Variants in BDH1 observed in about 807,000 individuals in gnomAD.
BDH1 encodes the protein D-beta-hydroxybutyrate dehydrogenase, mitochondrial.
A neutral mutation model predicts 33.1 loss-of-function variants in BDH1; 30 were observed. The ratio of observed to expected loss-of-function variants is 0.91; its 90% CI spans 0.68 to 1.23. The LOEUF is 1.23. BDH1 is among the 50% of genes most tolerant of loss of function. The pLI, the probability that BDH1 is intolerant of heterozygous loss-of-function variation, is 0.00. For synonymous variants in BDH1, 190 were observed against 183.6 expected (o/e 1.03, Z -0.28); for missense variants, 443 against 464.4 (o/e 0.95, Z 0.42).
rs962786123 is a variant in BDH1 at position 197,525,036 on chromosome 3, C to T, written c.268-2255G>A. On this transcript the variant is annotated intron_variant, in intron 5 of 7. Transcript: ENST00000392379. This position sits in a 1 kb window ranked among gnomAD's most constrained non-coding sequence, Gnocchi z 4.9. The stretch of plus-strand genomic sequence containing the variant: ...TGGCTCTGAAATCCCCTAGGTGCGC[C>T]GACCTTCCCAAACAAGACGCAGGCA... Among the ~76,000 whole-genome samples the T allele has an allele frequency of 2.6e-5, 4 of 152,122 alleles. No homozygotes were observed. Among genetic ancestry groups the T allele is most frequent in the Non-Finnish European group, 4.4e-5 (3 of 67,996 alleles).
rs1285813549 is a variant in BDH1, at chr3:197,525,656, C to T, written c.268-2875G>A. Among the ~76,000 whole-genome samples the T allele has an allele frequency of 6.6e-6, 1 of 152,228 alleles. No individual in the cohort carries two copies. Among genetic ancestry groups the T allele is most frequent in the African/African-American group, 2.4e-5 (1 of 41,464 alleles). ...ACCTGCCTTTGGGCAGCCTCCACACCCTGCTCCTGACAACCACGCCAATAG... is the reference window on the plus strand; with the variant it reads ...ACCTGCCTTTGGGCAGCCTCCACACTCTGCTCCTGACAACCACGCCAATAG... On this transcript the variant is annotated intron_variant, in intron 5 of 7. Transcript: ENST00000392379. The surrounding 1 kb of genome is among the most constrained non-coding windows in gnomAD (Gnocchi z 4.9).
At position 197,528,929 on chromosome 3, in the gene BDH1, G is replaced by A. The variant is rs1714387793; in HGVS notation, c.267+3483C>T. 1 of 152,284 alleles carries A rather than the reference G, an allele frequency of 6.6e-6. No homozygotes were observed. The highest frequency in any genetic ancestry group is 1.9e-4 in the East Asian group (1 of 5,202). 9.4% of individuals were successfully genotyped at this position (152,284 alleles called of 1,614,324 possible). A position where few individuals can be genotyped will look rare whatever the true frequency, so the allele number is the denominator to read the frequency against. ...CTGCCCTGTGCTGTGGAATCTGACT[G>A]TGGCTCCCTGTGTCACTGGATAAGC... On this transcript the variant is annotated intron_variant, in intron 5 of 7. Coordinates refer to ENST00000392379, the MANE Select transcript of BDH1 (RefSeq NM_203314.3). This position sits in a 1 kb window ranked among gnomAD's most constrained non-coding sequence, Gnocchi z 5.1.
intron 3 of BDH1, among the ~76,000 whole-genome samples, chr3:197,537,472 G>A (rs6583226): frequency 0.39 from 59,893 of 151,854 alleles, 13,625 homozygotes; most frequent in African/African-American, 0.63. Flanking sequence ...GCAAATATGG[G>A]GTCTTATTCC....
intron 2 of BDH1, 60 bp from the exon 3 acceptor site, chr3:197,546,546 A>G: frequency 3.4e-6 from 4 of 1,167,424 alleles, no homozygotes; most frequent in Non-Finnish European, 5.0e-6. Context: ...AATCAGGAGC[A>G]GTCATGTTCC....
chr3:197,536,018 C>G (rs539010834), intron 3 of BDH1, among the ~76,000 whole-genome samples: 1 of 151,878 alleles, frequency 6.6e-6, no homozygotes, highest in South Asian at 2.1e-4. Context: ...TGCACTCCAG[C>G]CTGGGGGACT....
chr3:197,566,028 C>T (rs1244764911), intron 1 of BDH1, among the ~76,000 whole-genome samples: 4 of 152,136 alleles, frequency 2.6e-5, no homozygotes, highest in African/African-American at 4.8e-5. Flanking sequence ...TACAAGAAAA[C>T]GTCTTTTAAG....
intron 7 of BDH1, among the ~76,000 whole-genome samples, chr3:197,512,681 C>T (rs964559707): frequency 6.6e-6 from 1 of 152,200 alleles, no homozygotes; most frequent in African/African-American, 2.4e-5. Context: ...GGTGAAAACA[C>T]GAGGGGAGAA....
Position 197,523,696 on chromosome 3 carries a change from C to T in BDH1, c.268-915G>A, listed in dbSNP as rs1212882331. Reference sequence around the variant, plus strand: ...TTCTAGGGAAGGAGACAGGTGAGCACGTAAGCGACACAGTGACTGTGTGCT... The same window carrying T: ...TTCTAGGGAAGGAGACAGGTGAGCATGTAAGCGACACAGTGACTGTGTGCT... On this transcript the variant is annotated intron_variant, in intron 5 of 7. Transcript: ENST00000392379. This position sits in a 1 kb window ranked among gnomAD's most constrained non-coding sequence, Gnocchi z 4.5. Among the ~76,000 whole-genome samples the T allele has an allele frequency of 2.0e-5, 3 of 152,204 alleles. No individual in the cohort carries two copies. Among genetic ancestry groups the T allele is most frequent in the South Asian group, 2.1e-4 (1 of 4,822 alleles).
upstream of BDH1, among the ~76,000 whole-genome samples, chr3:197,560,898 C>T (rs1343983783): frequency 6.6e-6 from 1 of 152,186 alleles, no homozygotes; most frequent in African/African-American, 2.4e-5. Context: ...CTCTCACCTA[C>T]TTGTGACCTG....
Position 197,516,481 on chromosome 3 carries a change from A to G in BDH1, c.410-2065T>C, listed in dbSNP as rs1250961033. Among the ~76,000 whole-genome samples the G allele has an allele frequency of 2.0e-5, 3 of 152,120 alleles. No individual in the cohort carries two copies. Among genetic ancestry groups the G allele is most frequent in the South Asian group, 4.1e-4 (2 of 4,820 alleles). ...AGTTGCCATCTGGAATCCTCAGCCA[A>G]TGTTCTGAATAAACTCACGGAGGCA... On this transcript the variant is annotated intron_variant, in intron 6 of 7. Coordinates refer to ENST00000392379, the MANE Select transcript of BDH1 (RefSeq NM_203314.3). The surrounding 1 kb of genome is among the most constrained non-coding windows in gnomAD (Gnocchi z 4.2).
rs35012311 is a variant in BDH1 at position 197,510,596 on chromosome 3, A to AGGG, written c.*1296_*1298dup. On this transcript the variant is annotated 3_prime_UTR_variant, in exon 8 of 8. Transcript: ENST00000392379. ...AGGCCACGCTGAAGCCCTGCAGAAC[A>AGGG]GGGGTGTGTGTGTGTGTGTGTGTGT... 5.2e-5 allele frequency: 4 copies of AGGG among 76,874 alleles called. No homozygotes were observed. In the East Asian group the frequency reaches 2.1e-3, roughly 41 times the overall value. 4.8% of individuals were successfully genotyped at this position (76,874 alleles called of 1,614,324 possible).
chr3:197,559,051 G>A (rs184970219), upstream of BDH1, among the ~76,000 whole-genome samples: 269 of 148,682 alleles, frequency 1.8e-3, no homozygotes, highest in African/African-American at 6.0e-3. Context: ...TACCCAGGCT[G>A]GAGTGCAATG....
At chr3:197,527,758 G>A (rs961965331) in intron 5 of BDH1, among the ~76,000 whole-genome samples, 4 of 151,076 alleles carry the variant, frequency 2.6e-5, no homozygotes, top group Non-Finnish European at 5.9e-5. Context: ...ACTCCCTCCC[G>A]CACCTCCTTG....
Position 197,512,155 on chromosome 3 carries a change from T to C in BDH1, c.772A>G (p.Lys258Glu), listed in dbSNP as rs745877266. ...YSPESIQAIA[K>E]KMWEELPEVV... is the part of the protein sequence containing the mutation. ...TCAGGCAGCTCCTCCCACATCTTCT[T>C]GGCGATGGCCTGAATGCTCTCAGGG... Residue 258 changes from lysine (K) to glutamate (E), a missense_variant, in exon 8 of 8, where the codon AAG (lysine) becomes GAG (glutamate). Physicochemically the swap from Lys to Glu is moderately conservative, Grantham distance 56 (BLOSUM62 1). Coordinates refer to ENST00000392379, the MANE Select transcript of BDH1 (RefSeq NM_203314.3). 2.4e-5 allele frequency: 38 copies of C among 1,614,052 alleles called. No homozygotes were observed. In the East Asian group the frequency reaches 2.7e-4, roughly 11 times the overall value.
At position 197,538,494 on chromosome 3, in the gene BDH1, G is replaced by A. The variant is rs558012905; in HGVS notation, c.84-4933C>T. The A allele has an allele frequency of 2.7e-4, 111 of 410,710 alleles. 1 individual carries two copies. In the East Asian group the frequency reaches 5.3e-3, roughly 20 times the overall value. The allele number at this position is 410,710 out of a possible 1,614,324, so 25.4% of individuals were successfully genotyped here. ...AGCCTCCTGAGTAGCCGGGACTACA[G>A]GCTTGCATCACCACACCTGGCCAAT... is the stretch of plus-strand genomic sequence containing the variant. On this transcript the variant is annotated intron_variant, in intron 3 of 7. Coordinates refer to ENST00000392379, the MANE Select transcript of BDH1 (RefSeq NM_203314.3).
intron 1 of BDH1, among the ~76,000 whole-genome samples, chr3:197,564,745 G>C (rs575578267): frequency 6.6e-6 from 1 of 152,114 alleles, no homozygotes; most frequent in Non-Finnish European, 1.5e-5. Context: ...ACCAGCATAT[G>C]AGCCCATGTC....
Position 197,512,231 on chromosome 3 carries a change from C to A in BDH1, c.696G>T (p.Lys232Asn). The change falls in exon 8 of 8, where the codon AAG becomes AAT. Residue 232 changes from lysine to asparagine, a missense_variant. Coordinates refer to ENST00000392379, the MANE Select transcript of BDH1 (RefSeq NM_203314.3). ...AGTTGCCGGGCTCCACCACGCTGACCTTCACGCCCAGGGGGTACATCTCAT... is the reference window on the plus strand; with the variant it reads ...AGTTGCCGGGCTCCACCACGCTGACATTCACGCCCAGGGGGTACATCTCAT... ...LRYEMYPLGV[K>N]VSVVEPGNFI... 6.2e-7 allele frequency: 1 copy of A among 1,613,780 alleles called. No homozygotes were observed. The highest frequency in any genetic ancestry group is 8.5e-7 in the Non-Finnish European group (1 of 1,180,024).
chr3:197,542,017 AC>A (rs1479919910), intron 3 of BDH1, among the ~76,000 whole-genome samples: 1 of 152,238 alleles, frequency 6.6e-6, no homozygotes, highest in Non-Finnish European at 1.5e-5. Flanking sequence ...TTTCCAGATT[AC>A]CACCCACCTA....
Position 197,510,439 on chromosome 3 carries a change from C to G in BDH1, c.*1456G>C, listed in dbSNP as rs994049860. 6.6e-6 allele frequency: 1 copy of G among 152,272 alleles called. No homozygotes were observed. The highest frequency in any genetic ancestry group is 6.5e-5 in the Admixed American group (1 of 15,276). 9.4% of individuals were successfully genotyped at this position (152,272 alleles called of 1,614,324 possible). ...GAGGACAGTGGTGTTTGGCTTCGGTCCCAACATACAGGCCCTGGGCAGTCG... is the reference window on the plus strand; with the variant it reads ...GAGGACAGTGGTGTTTGGCTTCGGTGCCAACATACAGGCCCTGGGCAGTCG... On this transcript the variant is annotated 3_prime_UTR_variant, in exon 8 of 8. Transcript: ENST00000392379.
Sources: allele counts gnomAD v4.1 joint callset (sites outside exome capture counted in the v4.1 genomes callset), GRCh38; gene constraint gnomAD v4.1.1; non-coding constraint Gnocchi (gnomAD v3.1); transcripts MANE v1.5; gene names NCBI Gene and HGNC (gene_info 2026-07-23, HGNC 2026-07-21).